Variants in DLC1 observed in about 807,000 individuals in gnomAD.
DLC1 encodes rho GTPase-activating protein 7.
DLC1 carries 54 observed loss-of-function variants against 140.3 expected under a neutral mutation model. The observed-to-expected ratio is 0.38, with a 90% CI of 0.31 to 0.48. The LOEUF (loss-of-function observed/expected upper bound fraction) is 0.48. DLC1 is among the 20% of genes least tolerant of loss of function. The pLI is 0.96. For synonymous variants in DLC1, 986 were observed against 728.1 expected, an observed-to-expected ratio of 1.35 and a Z score of -5.70; for missense variants, 2,536 against 1,907.0, an observed-to-expected ratio of 1.33 and a Z score of -6.14.
intron 5 of DLC1, among the ~76,000 whole-genome samples, chr8:13,192,349 T>C (rs999406367): frequency 1.6e-4 from 25 of 152,088 alleles, no homozygotes; most frequent in Non-Finnish European, 4.4e-5. Flanking sequence ...GATGACAAAA[T>C]TAGTAATACA....
At chr8:13,195,684 A>G (rs115571713) in intron 5 of DLC1, among the ~76,000 whole-genome samples, 2,882 of 152,272 alleles carry the variant, frequency 0.019, 88 homozygotes, top group African/African-American at 0.066. Flanking sequence ...TTTCAGATCA[A>G]CTCAGAAGAT....
chr8:13,496,178 C>G (rs1801490948), intron 2 of DLC1, among the ~76,000 whole-genome samples: 1 of 152,092 alleles, frequency 6.6e-6, no homozygotes, highest in Admixed American at 6.6e-5. Context: ...AAAAACTTAT[C>G]TCTTCTAAAC....
chr8:13,393,240 A>T (rs1041783343), intron 4 of DLC1, among the ~76,000 whole-genome samples: 2 of 152,124 alleles, frequency 1.3e-5, no homozygotes, highest in African/African-American at 2.4e-5. Flanking sequence ...TCAAGATAAT[A>T]GTGTAGGGAA....
chr8:13,109,797 T>C (rs1819918922), intron 7 of DLC1, among the ~76,000 whole-genome samples: 1 of 150,030 alleles, frequency 6.7e-6, no homozygotes, highest in Non-Finnish European at 1.5e-5. Context: ...AGGTAGGAGA[T>C]TTACTTGAAC....
chr8:13,232,347 T>G (rs981061735), intron 5 of DLC1, among the ~76,000 whole-genome samples: 2 of 152,132 alleles, frequency 1.3e-5, no homozygotes, highest in Admixed American at 1.3e-4. Flanking sequence ...CAGTCTTTTT[T>G]TTTTGAGACA....
intron 5 of DLC1, among the ~76,000 whole-genome samples, chr8:13,244,496 G>C (rs1004817170): frequency 1.3e-5 from 2 of 151,748 alleles, no homozygotes; most frequent in Non-Finnish European, 2.9e-5. Context: ...ATGGGGTCTT[G>C]TTATGTTGCA....
At chr8:13,443,119 C>T (rs1798608412) in intron 2 of DLC1, among the ~76,000 whole-genome samples, 1 of 149,604 alleles carries the variant, frequency 6.7e-6, no homozygotes, top group South Asian at 2.1e-4. Flanking sequence ...AAACCAAACA[C>T]TGCATGTTCT....
chr8:13,319,628 G>A (rs1195616564), intron 4 of DLC1, among the ~76,000 whole-genome samples: 1 of 151,916 alleles, frequency 6.6e-6, no homozygotes, highest in Non-Finnish European at 1.5e-5. Context: ...TTTGCCTTCC[G>A]ACATGATTGT....
chr8:13,525,486 A>G (rs750361906), intron 1 of DLC1, among the ~76,000 whole-genome samples: 4 of 152,212 alleles, frequency 2.6e-5, no homozygotes, highest in Non-Finnish European at 5.9e-5. Flanking sequence ...TTACACATGC[A>G]TGCCAACAGT....
At chr8:13,462,968 A>G (rs1164762272) in intron 2 of DLC1, among the ~76,000 whole-genome samples, 1 of 152,202 alleles carries the variant, frequency 6.6e-6, no homozygotes, top group African/African-American at 2.4e-5. Flanking sequence ...ATAAAAATAA[A>G]TCAGAAGTAA....
At chr8:13,448,420 G>C (rs923072625) in intron 2 of DLC1, among the ~76,000 whole-genome samples, 1 of 150,604 alleles carries the variant, frequency 6.6e-6, no homozygotes, top group Non-Finnish European at 1.5e-5. Context: ...CTGGAGTGCA[G>C]TGGTGCAATC....
chr8:13,424,136 A>C (rs1838445208), intron 2 of DLC1, among the ~76,000 whole-genome samples: 1 of 152,156 alleles, frequency 6.6e-6, no homozygotes, highest in East Asian at 1.9e-4. Context: ...TGTCCTCACA[A>C]ACTTTGGAAA....
intron 1 of DLC1, among the ~76,000 whole-genome samples, chr8:13,553,203 CATAT>C (rs1201746846): frequency 4.4e-4 from 30 of 68,022 alleles, no homozygotes; most frequent in African/African-American, 1.1e-3. Flanking sequence ...TGCCAGCTGT[CATAT>C]ATATATATAT....
intron 5 of DLC1, among the ~76,000 whole-genome samples, chr8:13,192,738 C>A (rs1474186856): frequency 6.6e-6 from 1 of 152,102 alleles, no homozygotes; most frequent in Non-Finnish European, 1.5e-5. Flanking sequence ...GGATCCTGAT[C>A]CAATAGGACT....
In DLC1 at chr8:13,358,578, T is replaced by G. The variant is rs188306871; in HGVS notation, c.1314+34975A>C. ...AAGTTTTTTTTTCTTTTAAAAAATA[T>G]ACATTAAAATATTTTCCCATTTTAT... On this transcript the variant is annotated intron_variant, in intron 4 of 17. Transcript: ENST00000276297. Among the ~76,000 whole-genome samples the G allele has an allele frequency of 7.9e-5, 12 of 152,260 alleles. 1 individual carries two copies. The highest frequency in any genetic ancestry group is 5.9e-4 in the Admixed American group (9 of 15,280).
chr8:13,464,945 C>T (rs998509075), intron 2 of DLC1, among the ~76,000 whole-genome samples: 1 of 151,990 alleles, frequency 6.6e-6, no homozygotes, highest in Non-Finnish European at 1.5e-5. Flanking sequence ...CTATGTTGCT[C>T]AGGCTGTTAG....
At chr8:13,584,275 T>G (rs1168830265) in intron 1 of DLC1, 1 of 154,174 alleles carries the variant, frequency 6.5e-6, no homozygotes, top group African/African-American at 2.4e-5. Flanking sequence ...AAGATCTGCC[T>G]GAGCCGGATG....
At chr8:13,121,989 G>C (rs1045850860) in intron 5 of DLC1, among the ~76,000 whole-genome samples, 1 of 152,166 alleles carries the variant, frequency 6.6e-6, no homozygotes, top group Non-Finnish European at 1.5e-5. Flanking sequence ...CACTAAGCCA[G>C]ATAACATTTC....
At position 13,085,180 on chromosome 8, in the gene DLC1, T is replaced by TA. The variant is rs1199038335; in HGVS notation, c.*630dup. ...TAATAACTTCGAAAAAAAATACCCA[T>TA]AAATGGACAAGGGTGTTGGGCCCCC... On this transcript the variant is annotated 3_prime_UTR_variant, in exon 18 of 18. Transcript: ENST00000276297. The TA allele has an allele frequency of 1.3e-5, 2 of 152,342 alleles. No individual in the cohort carries two copies. The highest frequency in any genetic ancestry group is 2.9e-5 in the Non-Finnish European group (2 of 68,036). The allele number at this position is 152,342 out of a possible 1,614,324, so 9.4% of individuals were successfully genotyped here. A position where few individuals can be genotyped will look rare whatever the true frequency, so the allele number is the denominator to read the frequency against.
Sources: allele counts gnomAD v4.1 joint callset (sites outside exome capture counted in the v4.1 genomes callset), GRCh38; gene constraint gnomAD v4.1.1; transcripts MANE v1.5; gene names NCBI Gene and HGNC (gene_info 2026-07-23, HGNC 2026-07-21).